Variants in ARID3A observed in about 807,000 individuals in gnomAD.
The protein encoded by ARID3A is AT-rich interaction domain 3A.
Under a neutral mutation model 52.7 loss-of-function variants are expected in ARID3A, and 11 were observed. The observed-to-expected ratio is 0.21, with a 90% CI of 0.13 to 0.35. The LOEUF is 0.35. ARID3A is among the 10% of genes least tolerant of loss of function. The pLI is 1.00. For missense variants in ARID3A, 721 were observed against 838.5 expected (o/e 0.86, Z 1.73); for synonymous variants, 404 against 359.4 (o/e 1.12, Z -1.40).
At chr19:955,015 C>T (rs2037888106) in intron 3 of ARID3A, among the ~76,000 whole-genome samples, 1 of 152,142 alleles carries the variant, frequency 6.6e-6, no homozygotes, top group South Asian at 2.1e-4. Context: ...GTTTAGGGCT[C>T]CTGTGGGTGT....
intron 3 of ARID3A, among the ~76,000 whole-genome samples, chr19:937,999 C>T (rs563221668): frequency 1.3e-5 from 2 of 152,014 alleles, no homozygotes; most frequent in South Asian, 2.1e-4. Flanking sequence ...TGAGCCACTG[C>T]GCCCGGCTAA....
In ARID3A at chr19:932,485, G is replaced by A; in HGVS notation, c.436G>A (p.Asp146Asn). Residue 146 changes from aspartate (D) to asparagine (N), a missense_variant, in exon 3 of 9, where the codon GAT (aspartate) becomes AAT (asparagine). Transcript: ENST00000263620. ...GGAGGATGAGGAGGAGGAGGAGGAG[G>A]ATTACGAGGATGAGGAGGAGGAGGA... ...LGEDEEEEEE[D>N]YEDEEEEEDE... is the part of the protein sequence containing the mutation. The A allele has an allele frequency of 4.5e-6, 7 of 1,567,778 alleles. No homozygotes were observed. The highest frequency in any genetic ancestry group is 6.0e-6 in the Non-Finnish European group (7 of 1,163,670).
At chr19:933,180 G>C (rs2037369335) in intron 3 of ARID3A, among the ~76,000 whole-genome samples, 1 of 152,178 alleles carries the variant, frequency 6.6e-6, no homozygotes, top group Non-Finnish European at 1.5e-5. Flanking sequence ...AGCCGTGGGG[G>C]GTTGCGGGCT....
chr19:948,568 CG>C (rs2037735497), intron 3 of ARID3A, among the ~76,000 whole-genome samples: 1 of 152,158 alleles, frequency 6.6e-6, no homozygotes, highest in South Asian at 2.1e-4. Context: ...TCCTGCCCCC[CG>C]TGCCCTCCTC....
At position 960,314 on chromosome 19, in the gene ARID3A, T is replaced by G. The variant is rs1599418826; in HGVS notation, c.766+150T>G. The G allele has an allele frequency of 1.6e-6, 1 of 644,268 alleles. No homozygotes were observed. The highest frequency in any genetic ancestry group is 2.6e-6 in the Non-Finnish European group (1 of 390,358). The allele number at this position is 644,268 out of a possible 1,614,324, so 39.9% of individuals were successfully genotyped here. A position where few individuals can be genotyped will look rare whatever the true frequency, so the allele number is the denominator to read the frequency against. ...CCTAAATCGGGAGGGACTTCAGGGG[T>G]GTCTTGGGGGGAAACACATCCTGCC... is the stretch of plus-strand genomic sequence containing the variant. On this transcript the variant is annotated intron_variant, in intron 4 of 8. Transcript: ENST00000263620. This position sits in a 1 kb window ranked among gnomAD's most constrained non-coding sequence, Gnocchi z 4.3.
At chr19:968,187 C>G (rs1002035923) in intron 7 of ARID3A, among the ~76,000 whole-genome samples, 1 of 151,880 alleles carries the variant, frequency 6.6e-6, no homozygotes, top group African/African-American at 2.4e-5. Context: ...GGTGAAACCC[C>G]ATCTCTACTA....
Position 938,299 on chromosome 19 carries a change from A to G in ARID3A, c.693+5557A>G, listed in dbSNP as rs1182532557. 6.6e-6 allele frequency among the ~76,000 whole-genome samples: 1 copy of G among 152,154 alleles called. No individual in the cohort carries two copies. The highest frequency in any genetic ancestry group is 1.5e-5 in the Non-Finnish European group (1 of 68,032). ...AGATGAGCTCAGAGGTGTAGGAATG[A>G]CGGCACTAGCCGGTATCTGTTGCTT... On this transcript the variant is annotated intron_variant, in intron 3 of 8. Coordinates refer to ENST00000263620, the MANE Select transcript of ARID3A (RefSeq NM_005224.3). The surrounding 1 kb of genome is among the most constrained non-coding windows in gnomAD (Gnocchi z 4.0).
intron 4 of ARID3A, among the ~76,000 whole-genome samples, chr19:963,530 G>A (rs2038085845): frequency 6.6e-6 from 1 of 152,194 alleles, no homozygotes; most frequent in African/African-American, 2.4e-5. Context: ...GAGGGGGCAG[G>A]TAGGGCTGGA....
intron 4 of ARID3A, among the ~76,000 whole-genome samples, chr19:963,273 C>G (rs568404726): frequency 6.6e-6 from 1 of 152,384 alleles, no homozygotes; most frequent in African/African-American, 2.4e-5. Context: ...CCTGGGCCAC[C>G]TGCCCTCACT....
intron 3 of ARID3A, 39 bp downstream of exon 3, chr19:932,781 C>G (rs746828841): frequency 6.5e-7 from 1 of 1,545,026 alleles, no homozygotes; most frequent in Non-Finnish European, 8.7e-7. Flanking sequence ...GAGGCACCTG[C>G]TCCTGGGCCA....
In ARID3A at chr19:973,103, A is replaced by AGTTTTTTTTTTTTTTTTTTTTTT. The variant is rs1568378193; in HGVS notation, c.*1038_*1039insGTTTTTTTTTTTTTTTTTTTTTT. On this transcript the variant is annotated 3_prime_UTR_variant, in exon 9 of 9. Transcript: ENST00000263620. ...TGGGCTCTCGAGTCAGGGGCCTGGA[A>AGTTTTTTTTTTTTTTTTTTTTTT]ATTTTTTTTTTTTTTTTTTTTTGAG... 7.1e-5 allele frequency: 1 copy of AGTTTTTTTTTTTTTTTTTTTTTT among 13,990 alleles called. No individual in the cohort carries two copies. Among genetic ancestry groups the AGTTTTTTTTTTTTTTTTTTTTTT allele is most frequent in the South Asian group, 4.1e-3 (1 of 246 alleles). The allele number at this position is 13,990 out of a possible 1,614,324, so 0.9% of individuals were successfully genotyped here.
In ARID3A at chr19:974,766, G is replaced by A. The variant is rs1281067867; in HGVS notation, c.*2701G>A. 3 of 230,758 alleles carry A rather than the reference G, an allele frequency of 1.3e-5. No individual in the cohort carries two copies. The highest frequency in any genetic ancestry group is 2.6e-5 in the Non-Finnish European group (3 of 116,682). The allele number at this position is 230,758 out of a possible 1,614,324, so 14.3% of individuals were successfully genotyped here. A position where few individuals can be genotyped will look rare whatever the true frequency, so the allele number is the denominator to read the frequency against. ...GTGTGTGTCGGGAATCCTGCGTGTC[G>A]TGTCTGTGGGCGATCCGGCCTCCCG... On this transcript the variant is annotated 3_prime_UTR_variant, in exon 9 of 9. Transcript: ENST00000263620.
rs965445689 is a variant in ARID3A at position 942,873 on chromosome 19, C to T, written c.693+10131C>T. Among the ~76,000 whole-genome samples the T allele has an allele frequency of 6.6e-5, 10 of 152,212 alleles. No homozygotes were observed. The highest frequency in any genetic ancestry group is 2.0e-4 in the Admixed American group (3 of 15,280). ...ATTGGATGGCATCGCCCAAAACTCA[C>T]GTCCACCCAGAACCTCAAGATGGGA... On this transcript the variant is annotated intron_variant, in intron 3 of 8. Transcript: ENST00000263620. The surrounding 1 kb of genome is among the most constrained non-coding windows in gnomAD (Gnocchi z 8.1).
chr19:972,224 T>TAG lies in ARID3A; in HGVS notation c.*160_*161insGA, dbSNP rs1224676547. 120 of 197,496 alleles carry TAG rather than the reference T, an allele frequency of 6.1e-4. No individual in the cohort carries two copies. Among genetic ancestry groups the TAG allele is most frequent in the African/African-American group, 1.3e-3 (52 of 40,696 alleles). The allele number at this position is 197,496 out of a possible 1,614,324, so 12.2% of individuals were successfully genotyped here. On this transcript the variant is annotated 3_prime_UTR_variant, in exon 9 of 9. Coordinates refer to ENST00000263620, the MANE Select transcript of ARID3A (RefSeq NM_005224.3). ...GACGCCAAAAAGAAAAGAAAAAAGATATATATATATATATATATATATACA... is the reference window on the plus strand; with the variant it reads ...GACGCCAAAAAGAAAAGAAAAAAGATAGATATATATATATATATATATATACA...
chr19:953,587 G>A lies in ARID3A; in HGVS notation c.694-6505G>A, dbSNP rs564638099. On this transcript the variant is annotated intron_variant, in intron 3 of 8. Transcript: ENST00000263620. ...CAGATCCGTGTAACGGGGCTCGGGC[G>A]TGCAACCTTCTGGGAAGAAAACCAA... 7.2e-5 allele frequency among the ~76,000 whole-genome samples: 11 copies of A among 152,290 alleles called. No individual in the cohort carries two copies. In the South Asian group the frequency reaches 2.3e-3, roughly 32 times the overall value.
At position 929,441 on chromosome 19, in the gene ARID3A, C is replaced by T. The variant is rs1280564997; in HGVS notation, c.-88C>T. The T allele has an allele frequency of 1.6e-6, 2 of 1,270,272 alleles. No individual in the cohort carries two copies. Among genetic ancestry groups the T allele is most frequent in the East Asian group, 4.1e-5 (1 of 24,148 alleles). The allele number at this position is 1,270,272 out of a possible 1,614,324, so 78.7% of individuals were successfully genotyped here. A position where few individuals can be genotyped will look rare whatever the true frequency, so the allele number is the denominator to read the frequency against. ...CCACGCTGCAGTGCGGCCGGGCCCC[C>T]TCCCCGCAGGGGCCGCCCCCGCCGC... On this transcript the variant is annotated 5_prime_UTR_variant, in exon 2 of 9. Transcript: ENST00000263620. This position sits in a 1 kb window ranked among gnomAD's most constrained non-coding sequence, Gnocchi z 6.2.
At chr19:963,397 C>T (rs923514333) in intron 4 of ARID3A, among the ~76,000 whole-genome samples, 5 of 152,198 alleles carry the variant, frequency 3.3e-5, no homozygotes, top group Non-Finnish European at 7.3e-5. Flanking sequence ...CAGAATTTCA[C>T]GGACAGAACG....
chr19:959,968 T>G lies in ARID3A; in HGVS notation c.694-124T>G, dbSNP rs2038004546. 2 of 693,350 alleles carry G rather than the reference T, an allele frequency of 2.9e-6. No homozygotes were observed. Among genetic ancestry groups the G allele is most frequent in the Non-Finnish European group, 2.3e-6 (1 of 439,396 alleles). The allele number at this position is 693,350 out of a possible 1,614,324, so 42.9% of individuals were successfully genotyped here. A position where few individuals can be genotyped will look rare whatever the true frequency, so the allele number is the denominator to read the frequency against. On this transcript the variant is annotated intron_variant, in intron 3 of 8. Transcript: ENST00000263620. This position sits in a 1 kb window ranked among gnomAD's most constrained non-coding sequence, Gnocchi z 5.0. ...GGGGTCTTCGGCTCTGGCAGCGGCT[T>G]GAGGGTCCTAGGGGTGGTGACCCCT...
chr19:972,396 C>T lies in ARID3A; in HGVS notation c.*331C>T, dbSNP rs2038298290. On this transcript the variant is annotated 3_prime_UTR_variant, in exon 9 of 9. Transcript: ENST00000263620. ...AGAAAGAGGCAGACGTTTCCCAGGGCGTTCAGGCAGCCCTGATGGACCGAA... is the reference window on the plus strand; with the variant it reads ...AGAAAGAGGCAGACGTTTCCCAGGGTGTTCAGGCAGCCCTGATGGACCGAA... 1 of 218,704 alleles carries T rather than the reference C, an allele frequency of 4.6e-6. No homozygotes were observed. Among genetic ancestry groups the T allele is most frequent in the Non-Finnish European group, 9.2e-6 (1 of 108,686 alleles). 13.5% of individuals were successfully genotyped at this position (218,704 alleles called of 1,614,324 possible).
Sources: allele counts gnomAD v4.1 joint callset (sites outside exome capture counted in the v4.1 genomes callset), GRCh38; gene constraint gnomAD v4.1.1; non-coding constraint Gnocchi (gnomAD v3.1); transcripts MANE v1.5; gene names NCBI Gene and HGNC (gene_info 2026-07-23, HGNC 2026-07-21).